The following DLG2 variants were observed in gnomAD, a reference collection of about 807,000 sequenced individuals.
DLG2 encodes the protein discs large MAGUK scaffold protein 2, also known as disks large homolog 2.
In DLG2, 45 loss-of-function variants were observed where a neutral mutation model predicts 132.5. The ratio of observed to expected loss-of-function variants is 0.34; its 90% CI spans 0.27 to 0.44. The LOEUF (loss-of-function observed/expected upper bound fraction) is 0.44. Ranked by LOEUF, DLG2 falls within the 20% of genes least tolerant of loss-of-function variation. DLG2 has a pLI of 1.00. For missense variants in DLG2, 1,045 were observed against 1,196.9 expected (o/e 0.87, Z 1.87); for synonymous variants, 424 against 419.6 (o/e 1.01, Z -0.13).
chr11:85,182,191 T>C (rs1475092868), intron 4 of DLG2, among the ~76,000 whole-genome samples: 1 of 151,892 alleles, frequency 6.6e-6, no homozygotes, highest in Non-Finnish European at 1.5e-5. Flanking sequence ...TCTTCACAAA[T>C]ATCTTACGAG....
intron 6 of DLG2, among the ~76,000 whole-genome samples, chr11:84,746,528 G>T (rs1270951395): frequency 1.3e-5 from 2 of 151,844 alleles, no homozygotes; most frequent in Non-Finnish European, 2.9e-5. Context: ...CCTTAGACAA[G>T]TCACTTAACT....
intron 9 of DLG2, among the ~76,000 whole-genome samples, chr11:84,134,208 A>C (rs1271997648): frequency 4.0e-5 from 6 of 150,476 alleles, no homozygotes; most frequent in Non-Finnish European, 6.0e-5. Context: ...TGGGTGCTAC[A>C]GTAACATCTA....
At chr11:84,368,806 T>C (rs2098694479) in intron 7 of DLG2, among the ~76,000 whole-genome samples, 2 of 152,174 alleles carry the variant, frequency 1.3e-5, no homozygotes, top group African/African-American at 4.8e-5. Flanking sequence ...ATTGTGTTAA[T>C]TTTTAATTTT....
intron 9 of DLG2, among the ~76,000 whole-genome samples, chr11:84,127,545 G>A (rs1438866860): frequency 6.6e-6 from 1 of 152,082 alleles, no homozygotes; most frequent in African/African-American, 2.4e-5. Flanking sequence ...TGATTTGTCG[G>A]TAATCTTTGG....
intron 17 of DLG2, among the ~76,000 whole-genome samples, chr11:83,808,767 C>T (rs567552545): frequency 5.9e-5 from 9 of 152,216 alleles, no homozygotes; most frequent in East Asian, 5.8e-4. Flanking sequence ...CACTGTACAC[C>T]GTACACCATA....
chr11:83,711,867 T>C (rs2153664235), intron 18 of DLG2, among the ~76,000 whole-genome samples: 1 of 152,288 alleles, frequency 6.6e-6, no homozygotes, highest in Non-Finnish European at 1.5e-5. Context: ...CATATTCTTT[T>C]AAAGAATTTA....
intron 11 of DLG2, among the ~76,000 whole-genome samples, chr11:84,041,692 A>G (rs370340353): frequency 2.6e-5 from 4 of 152,098 alleles, no homozygotes; most frequent in African/African-American, 9.6e-5. Context: ...TTTCCTTTAT[A>G]GTTGTACGCT....
intron 3 of DLG2, among the ~76,000 whole-genome samples, chr11:85,502,628 C>T (rs1477910584): frequency 6.6e-6 from 1 of 151,922 alleles, no homozygotes; most frequent in Non-Finnish European, 1.5e-5. Context: ...GGGAGGGGAA[C>T]ATCACACACT....
At chr11:83,674,393 G>C (rs2077346484) in intron 18 of DLG2, among the ~76,000 whole-genome samples, 1 of 152,170 alleles carries the variant, frequency 6.6e-6, no homozygotes, top group South Asian at 2.1e-4. Context: ...GATAAGGTAA[G>C]AAATTCATCC....
At chr11:85,560,292 A>G (rs542847614) in intron 3 of DLG2, among the ~76,000 whole-genome samples, 1 of 151,884 alleles carries the variant, frequency 6.6e-6, no homozygotes, top group Non-Finnish European at 1.5e-5. Flanking sequence ...AAATGTTTAC[A>G]GCAACAGTTT....
At chr11:85,064,395 G>T (rs2064570969) in intron 6 of DLG2, among the ~76,000 whole-genome samples, 1 of 151,676 alleles carries the variant, frequency 6.6e-6, no homozygotes, top group South Asian at 2.1e-4. Flanking sequence ...CCTACTCCTT[G>T]TTCTCCTTTT....
intron 15 of DLG2, among the ~76,000 whole-genome samples, chr11:83,876,732 A>T (rs77669265): frequency 2.0e-5 from 3 of 152,102 alleles, no homozygotes; most frequent in African/African-American, 7.2e-5. Context: ...CTTATCACCA[A>T]GTGGGTGTAC....
chr11:83,786,887 A>G, intron 17 of DLG2, 95 bp from the exon 18 acceptor site: 1 of 930,336 alleles, frequency 1.1e-6, no homozygotes, highest in Non-Finnish European at 1.7e-6. Flanking sequence ...GTCTAACATT[A>G]TATCACATGC....
chr11:85,469,219 CA>C (rs545611716), intron 3 of DLG2: 133 of 152,310 alleles, frequency 8.7e-4, no homozygotes, highest in African/African-American at 3.1e-3. Flanking sequence ...CCACTTTGGT[CA>C]AAAGAGCTAT....
chr11:85,085,651 G>A (rs747517433), intron 6 of DLG2, among the ~76,000 whole-genome samples: 2 of 152,042 alleles, frequency 1.3e-5, no homozygotes, highest in African/African-American at 2.4e-5. Flanking sequence ...TCCTGTACCA[G>A]GACCTATGTT....
chr11:84,889,833 G>C (rs1268037788), intron 6 of DLG2, among the ~76,000 whole-genome samples: 1 of 152,096 alleles, frequency 6.6e-6, no homozygotes. Context: ...CCTTGACTCA[G>C]GAATAGACCT....
intron 3 of DLG2, among the ~76,000 whole-genome samples, chr11:85,498,646 C>T (rs776734806): frequency 1.1e-4 from 17 of 152,132 alleles, no homozygotes; most frequent in East Asian, 5.8e-4. Context: ...AGCACCACAT[C>T]GCACTTATTC....
At chr11:84,609,386 G>A (rs545206496) in intron 6 of DLG2, among the ~76,000 whole-genome samples, 2 of 152,240 alleles carry the variant, frequency 1.3e-5, no homozygotes, top group African/African-American at 4.8e-5. Flanking sequence ...AAGTGTTATT[G>A]TTTGTTAAAA....
chr11:84,339,363 A>G (rs553638533), intron 7 of DLG2, among the ~76,000 whole-genome samples: 1 of 152,326 alleles, frequency 6.6e-6, no homozygotes, highest in African/African-American at 2.4e-5. Context: ...CGTGTTCATC[A>G]TTTCCATCTT....
Sources: allele counts gnomAD v4.1 joint callset (sites outside exome capture counted in the v4.1 genomes callset), GRCh38; gene constraint gnomAD v4.1.1; transcripts MANE v1.5; gene names NCBI Gene and HGNC (gene_info 2026-07-23, HGNC 2026-07-21).